Variants in CEP83 observed in about 807,000 individuals in gnomAD.
CEP83 encodes centrosomal protein 83.
In CEP83, 70 loss-of-function variants were observed where a neutral mutation model predicts 101.9. The ratio of observed to expected loss-of-function variants is 0.69; its 90% CI spans 0.57 to 0.84. The LOEUF (loss-of-function observed/expected upper bound fraction) is 0.84, where lower values mean the gene tolerates loss of function less well. Ranked by LOEUF, CEP83 falls within the 40% of genes least tolerant of loss-of-function variation. The probability of loss-of-function intolerance (pLI) is 0.00; values close to 1 mark genes in which losing one functional copy is unlikely to be tolerated. For synonymous variants in CEP83, 264 were observed against 267.9 expected (o/e 0.99, Z 0.14); for missense variants, 715 against 787.2 (o/e 0.91, Z 1.10).
chr12:94,397,347 T>C (rs1593705956), intron 6 of CEP83, among the ~76,000 whole-genome samples: 1 of 151,774 alleles, frequency 6.6e-6, no homozygotes, highest in South Asian at 2.1e-4. Context: ...AAAAATACAA[T>C]AATTAGCCAG....
chr12:94,310,043 G>A lies in CEP83; in HGVS notation c.1876C>T (p.His626Tyr). The part of the protein sequence containing the change: ...QKRLKDIQRR[H>Y]NEFRSLILVP... ...AAAATTAGACTTCGAAATTCATTAT[G>A]TCTTCTCTGTATATCTTTTAGTCTT... is the stretch of plus-strand genomic sequence containing the variant. Residue 626 changes from histidine (H) to tyrosine (Y), a missense_variant, in exon 16 of 17, where the codon CAT becomes TAT. Physicochemically the swap from His to Tyr is moderately conservative, Grantham distance 83. Transcript: ENST00000397809. 1 of 1,605,838 alleles carries A rather than the reference G, an allele frequency of 6.2e-7. No homozygotes were observed. The highest frequency in any genetic ancestry group is 8.5e-7 in the Non-Finnish European group (1 of 1,172,854).
chr12:94,277,944 T>A, the CEP83 span: 1 of 456,054 alleles, frequency 2.2e-6, no homozygotes, highest in Non-Finnish European at 4.4e-6. Context: ...TGATTTGTGT[T>A]TTCATCTCTC....
At chr12:94,341,488 C>T (rs1244528495) in intron 11 of CEP83, among the ~76,000 whole-genome samples, 3 of 151,544 alleles carry the variant, frequency 2.0e-5, no homozygotes, top group Admixed American at 2.0e-4. Flanking sequence ...GTTGATGTAG[C>T]TGGACTTATA....
downstream of CEP83, chr12:94,305,597 A>G (rs1315810268): frequency 3.9e-6 from 1 of 259,106 alleles, no homozygotes; most frequent in African/African-American, 2.2e-5. Context: ...ACTTAAGCAC[A>G]ATGATATAAG....
Position 94,424,092 on chromosome 12 carries a change from C to T in CEP83, c.-102+11183G>A. The T allele has an allele frequency of 2.5e-6, 4 of 1,609,018 alleles. No homozygotes were observed. The South Asian group carries it at 4.4e-5, about 18-fold the overall frequency. On this transcript the variant is annotated intron_variant, in intron 2 of 16. Coordinates refer to ENST00000397809, the MANE Select transcript of CEP83 (RefSeq NM_016122.3). ...ACTTGTAGAGGAGATGTCTGAGTCA[C>T]TCTCTGATACGAAGACACAGGAGAG...
intron 14 of CEP83, among the ~76,000 whole-genome samples, chr12:94,330,898 A>G (rs1039497773): frequency 2.6e-5 from 4 of 152,154 alleles, no homozygotes; most frequent in Non-Finnish European, 4.4e-5. Context: ...GATTTTCCCA[A>G]TTTATTTCTG....
At chr12:94,290,498 C>T in the CEP83 span, among the ~76,000 whole-genome samples, 3 of 152,254 alleles carry the variant, frequency 2.0e-5, no homozygotes, top group Admixed American at 6.5e-5. Context: ...TGGCCCCAGC[C>T]GGCCCCTGCC....
At chr12:94,376,744 TA>T (rs760671409) in intron 7 of CEP83, among the ~76,000 whole-genome samples, 1,713 of 115,494 alleles carry the variant, frequency 0.015, 25 homozygotes, top group African/African-American at 0.028. Flanking sequence ...TATATATATA[TA>T]TATTTTTTTT....
downstream of CEP83, chr12:94,305,121 A>G (rs1968865915): frequency 9.2e-7 from 1 of 1,089,572 alleles, no homozygotes; most frequent in Non-Finnish European, 1.4e-6. Flanking sequence ...AGGTATGCAA[A>G]AAACAGAATT....
At chr12:94,312,834 G>A (rs1271417147) in intron 15 of CEP83, 80 bp downstream of exon 15, 6 of 1,235,404 alleles carry the variant, frequency 4.9e-6, no homozygotes, top group East Asian at 2.8e-5. Context: ...TAAAAGAAAA[G>A]AAGGTACGTT....
chr12:94,297,517 TC>T, the CEP83 span: 2 of 855,276 alleles, frequency 2.3e-6, no homozygotes, highest in Non-Finnish European at 3.8e-6. Flanking sequence ...ATGTTACAAA[TC>T]CCTTGTGCCT....
chr12:94,423,677 T>C (rs1484121387), intron 2 of CEP83: 1 of 1,577,700 alleles, frequency 6.3e-7, no homozygotes, highest in Non-Finnish European at 8.6e-7. Context: ...CCCTCTGGAA[T>C]TTGGGAGCAT....
chr12:94,298,601 TC>T, the CEP83 span: 13 of 1,543,706 alleles, frequency 8.4e-6, no homozygotes, highest in African/African-American at 1.8e-4. Flanking sequence ...CAGTTTTTAA[TC>T]TCCCAAATCT....
chr12:94,368,457 A>C, intron 9 of CEP83: 1 of 342,186 alleles, frequency 2.9e-6, no homozygotes, highest in South Asian at 6.8e-5. Context: ...AAAGCTGTAT[A>C]CATTTACTCA....
chr12:94,424,980 TG>T (rs2065073284), intron 2 of CEP83: 10 of 1,554,776 alleles, frequency 6.4e-6, no homozygotes, highest in Non-Finnish European at 7.9e-6. Context: ...TTCTCTTTAA[TG>T]TTAGGGAACG....
At chr12:94,278,145 C>T in the CEP83 span, 1 of 338,366 alleles carries the variant, frequency 3.0e-6, no homozygotes, top group Non-Finnish European at 5.7e-6. Context: ...CTCCTTAAAA[C>T]CAAAAAAAAC....
the CEP83 span, among the ~76,000 whole-genome samples, chr12:94,285,820 A>C: frequency 6.6e-6 from 1 of 152,146 alleles, no homozygotes; most frequent in Non-Finnish European, 1.5e-5. Flanking sequence ...AGGAGGGGAC[A>C]CAGACTCCAA....
chr12:94,457,405 A>C (rs1267092042), intron 1 of CEP83, among the ~76,000 whole-genome samples: 6 of 152,224 alleles, frequency 3.9e-5, no homozygotes, highest in Admixed American at 3.9e-4. Flanking sequence ...AAGAGACAGT[A>C]CCTGGGGGTG....
At chr12:94,381,793 GTTAC>G (rs2061864943) in intron 6 of CEP83, among the ~76,000 whole-genome samples, 1 of 151,948 alleles carries the variant, frequency 6.6e-6, no homozygotes, top group African/African-American at 2.4e-5. Flanking sequence ...TCTTTCTTCA[GTTAC>G]TTCTTTTAAA....
Sources: gnomAD v4.1 joint callset for allele counts (sites outside exome capture counted in the v4.1 genomes callset) on GRCh38, gnomAD v4.1.1 for gene constraint, MANE v1.5 for transcripts, NCBI Gene and HGNC (gene_info 2026-07-23, HGNC 2026-07-21) for gene names.